CXADR: variants seen among roughly 807,000 people sequenced by gnomAD.
CXADR encodes CXADR cell adhesion molecule.
CXADR carries 20 observed loss-of-function variants against 40.3 expected under a neutral mutation model. That is an observed-to-expected ratio of 0.50 (90% CI 0.35 to 0.72). The LOEUF (loss-of-function observed/expected upper bound fraction) is 0.72. Among genes scored for constraint, CXADR ranks in the 30% least tolerant of loss-of-function variants. The pLI is 0.01. For synonymous variants in CXADR, 150 were observed against 161.3 expected (o/e 0.93, Z 0.53); for missense variants, 332 against 449.1 (o/e 0.74, Z 2.36).
intron 7 of CXADR, among the ~76,000 whole-genome samples, chr21:17,586,773 A>G (rs1360751517): frequency 6.6e-6 from 1 of 152,156 alleles, no homozygotes; most frequent in Non-Finnish European, 1.5e-5. Context: ...GTTTTAGGGT[A>G]CATGTGCACA....
At chr21:17,619,596 C>CAAA in the CXADR span, among the ~76,000 whole-genome samples, 23 of 134,846 alleles carry the variant, frequency 1.7e-4, 1 homozygote, top group South Asian at 2.9e-3. Flanking sequence ...GGCTCTGTTT[C>CAAA]AAAAAAAAAA....
At chr21:17,574,752 A>G (rs2249739), downstream of CXADR, among the ~76,000 whole-genome samples, 130,240 of 152,076 alleles carry the variant, frequency 0.86, 55,853 homozygotes, top group South Asian at 0.9. Flanking sequence ...TTGAATGTTC[A>G]GAAGTGAAGC....
At chr21:17,551,109 G>A (rs1447088053) in intron 2 of CXADR, among the ~76,000 whole-genome samples, 1 of 152,106 alleles carries the variant, frequency 6.6e-6, no homozygotes, top group East Asian at 1.9e-4. Flanking sequence ...GAGTATATAA[G>A]AATGAGCAGG....
At chr21:17,604,781 G>A in the CXADR span, 1 of 1,476,796 alleles carries the variant, frequency 6.8e-7, no homozygotes, top group South Asian at 1.5e-5. Context: ...AAGATACACA[G>A]GCAGGCCGTA....
intron 1 of CXADR, among the ~76,000 whole-genome samples, chr21:17,524,141 AC>A (rs950162720): frequency 6.6e-6 from 1 of 150,956 alleles, no homozygotes; most frequent in African/African-American, 2.4e-5. Context: ...TGATCCACCC[AC>A]CTCAGCCTCC....
Position 17,515,819 on chromosome 21 carries a change from C to CA in CXADR, c.43+2656dup, listed in dbSNP as rs941335316. Reference sequence around the variant, plus strand: ...AGACTCCGTCTCTGAAACAAATAAACAAAAAAAAAGGCATTGTTATTAACT... The same window carrying CA: ...AGACTCCGTCTCTGAAACAAATAAACAAAAAAAAAAGGCATTGTTATTAACT... On this transcript the variant is annotated intron_variant, in intron 1 of 6. Transcript: ENST00000284878. Among the ~76,000 whole-genome samples, 27 of 150,368 alleles carry CA rather than the reference C, an allele frequency of 1.8e-4. No individual in the cohort carries two copies. In the South Asian group the frequency reaches 1.9e-3, roughly 11 times the overall value.
At chr21:17,598,745 C>CT in the CXADR span, 2 of 1,614,184 alleles carry the variant, frequency 1.2e-6, no homozygotes. Context: ...GCCCTGGTAA[C>CT]TTTCCTGGAG....
chr21:17,561,673 G>A (rs1053403826), intron 6 of CXADR, among the ~76,000 whole-genome samples, 197 bp downstream of exon 6: 2 of 151,974 alleles, frequency 1.3e-5, no homozygotes, highest in African/African-American at 2.4e-5. Context: ...GTTGTGCCCC[G>A]CTCCCCAACC....
At chr21:17,515,764 C>G (rs1320225993) in intron 1 of CXADR, among the ~76,000 whole-genome samples, 1 of 150,754 alleles carries the variant, frequency 6.6e-6, no homozygotes, top group Non-Finnish European at 1.5e-5. Flanking sequence ...CCACATCGCG[C>G]CACTGCATTC....
the CXADR span, among the ~76,000 whole-genome samples, chr21:17,603,655 G>A: frequency 1.1e-4 from 16 of 152,106 alleles, no homozygotes; most frequent in African/African-American, 3.9e-4. Context: ...AAACCAAATA[G>A]AAACATCCTA....
At chr21:17,615,731 T>A in the CXADR span, among the ~76,000 whole-genome samples, 1 of 152,116 alleles carries the variant, frequency 6.6e-6, no homozygotes, top group South Asian at 2.1e-4. Context: ...AATGGTGTAG[T>A]TTGCTTTTAG....
chr21:17,633,424 T>C, the CXADR span, among the ~76,000 whole-genome samples: 1 of 152,060 alleles, frequency 6.6e-6, no homozygotes, highest in Non-Finnish European at 1.5e-5. Context: ...CTGGGTGAGT[T>C]GGTGCACATC....
At position 17,575,492 on chromosome 21, in the gene CXADR, ATTTT is replaced by A. The variant is rs77521268; in HGVS notation, c.1017+9894_1017+9897del. 5.6e-5 allele frequency among the ~76,000 whole-genome samples: 8 copies of A among 141,834 alleles called. No individual in the cohort carries two copies. The East Asian group carries it at 6.5e-4, about 11-fold the overall frequency. The allele number at this position is 141,834 out of a possible 152,430, so 93.0% of individuals were successfully genotyped here. On this transcript the variant is annotated intron_variant, in intron 7 of 7. Coordinates refer to the CXADR transcript ENST00000400169. ...CACCATGCCTGTCCTCAATTGTAAA[ATTTT>A]TTTTTTTTTTTTGAGGCGGAGTCTC...
intron 7 of CXADR, among the ~76,000 whole-genome samples, chr21:17,584,109 T>C (rs1378214560): frequency 6.6e-6 from 1 of 152,172 alleles, no homozygotes; most frequent in Admixed American, 6.5e-5. Flanking sequence ...TGATTTAAGA[T>C]AAATGGAAGG....
chr21:17,598,248 G>A (rs913419888), downstream of CXADR, among the ~76,000 whole-genome samples: 5 of 151,980 alleles, frequency 3.3e-5, no homozygotes, highest in Non-Finnish European at 5.9e-5. Context: ...ATCATGGAAC[G>A]GGAGAGAATA....
At chr21:17,631,847 G>C in the CXADR span, among the ~76,000 whole-genome samples, 2 of 152,180 alleles carry the variant, frequency 1.3e-5, no homozygotes, top group African/African-American at 4.8e-5. Context: ...ATTAAAGGAA[G>C]ATGAGGCTTA....
chr21:17,525,369 AT>A (rs2060586418), intron 1 of CXADR, among the ~76,000 whole-genome samples: 1 of 152,210 alleles, frequency 6.6e-6, no homozygotes, highest in Admixed American at 6.5e-5. Context: ...TGTGTGTTCT[AT>A]GTGAGTTTTA....
At chr21:17,611,689 G>C in the CXADR span, 2 of 152,126 alleles carry the variant, frequency 1.3e-5, no homozygotes, top group African/African-American at 4.8e-5. Flanking sequence ...TTTAAATATC[G>C]CACGGTGACG....
intron 3 of CXADR, among the ~76,000 whole-genome samples, chr21:17,557,590 G>A (rs373531355): frequency 1.4e-4 from 22 of 152,194 alleles, no homozygotes; most frequent in African/African-American, 4.1e-4. Flanking sequence ...TGGAAACACA[G>A]TATTCATTAA....
Sources: allele counts gnomAD v4.1 joint callset (sites outside exome capture counted in the v4.1 genomes callset), GRCh38; gene constraint gnomAD v4.1.1; transcripts MANE v1.5; gene names NCBI Gene and HGNC (gene_info 2026-07-23, HGNC 2026-07-21).